Variants in CNTN6 observed in about 807,000 individuals in gnomAD.
CNTN6 encodes the protein contactin 6.
A neutral mutation model predicts 122.8 loss-of-function variants in CNTN6; 137 were observed. The ratio of observed to expected loss-of-function variants is 1.12; its 90% CI spans 0.97 to 1.29. CNTN6 has a LOEUF of 1.29. CNTN6 is among the 50% of genes most tolerant of loss of function. The pLI, the probability that CNTN6 is intolerant of heterozygous loss-of-function variation, is 0.00. For synonymous variants in CNTN6, 570 were observed against 426.0 expected, an observed-to-expected ratio of 1.34 and a Z score of -4.16; for missense variants, 1,634 against 1,223.4, an observed-to-expected ratio of 1.34 and a Z score of -5.01.
rs1693739289 is a variant in CNTN6 at position 1,389,380 on chromosome 3, C to A, written c.2704+3583C>A. On this transcript the variant is annotated intron_variant, in intron 20 of 22. Transcript: ENST00000446702. ...CAAATGCTGAGAGATTTTGTCACCA[C>A]CAGGCCTGCCCTAAAAGTGCTCCTG... Among the ~76,000 whole-genome samples, 4 of 152,092 alleles carry A rather than the reference C, an allele frequency of 2.6e-5. No individual in the cohort carries two copies. In the South Asian group the frequency reaches 8.3e-4, roughly 32 times the overall value.
chr3:1,329,817 A>T lies in CNTN6; in HGVS notation c.1246A>T (p.Lys416Ter). Residue 416 changes from lysine (K) to a stop codon, truncating the protein, a stop_gained, in exon 11 of 23, where the codon AAA (lysine) becomes TAA (stop). Coordinates refer to ENST00000446702, the MANE Select transcript of CNTN6 (RefSeq NM_001289080.2). LOFTEE classifies it high-confidence loss of function. The part of the protein sequence containing the change: ...SAPDFSKSPV[K>*]KKSFVQVGGD... ...TCCAGATTTCTCCAAAAGTCCAGTT[A>T]AAAAAAAGTCTTTTGTTCAAGTTGG... 6.2e-7 allele frequency: 1 copy of T among 1,600,408 alleles called. No homozygotes were observed. The highest frequency in any genetic ancestry group is 1.7e-5 in the Admixed American group (1 of 57,886).
rs374588686 is a variant in CNTN6 at position 1,295,656 on chromosome 3, T to G, written c.510T>G (p.Asn170Lys). The G allele has an allele frequency of 1.2e-6, 2 of 1,613,986 alleles. No homozygotes were observed. The highest frequency in any genetic ancestry group is 1.7e-6 in the Non-Finnish European group (2 of 1,179,926). ...ACCCCTTATACGTCCAAGAGGACAA[T>G]AGGCGATTTGTATCTCAAGAGACGG... ...NDNPLYVQED[N>K]RRFVSQETGN... Residue 170 changes from asparagine (N) to lysine (K), a missense_variant, in exon 6 of 23, where the codon AAT becomes AAG. Transcript: ENST00000446702.
intron 2 of CNTN6, among the ~76,000 whole-genome samples, chr3:1,163,635 C>A (rs1336725265): frequency 3.3e-5 from 5 of 152,148 alleles, no homozygotes; most frequent in Non-Finnish European, 7.3e-5. Context: ...CCAGGATGAT[C>A]TGGAACTACT....
intron 5 of CNTN6, among the ~76,000 whole-genome samples, chr3:1,292,841 TC>T (rs1222352100): frequency 6.6e-6 from 1 of 152,116 alleles, no homozygotes; most frequent in Non-Finnish European, 1.5e-5. Context: ...CTCCACTCAC[TC>T]TGAGAAAACC....
intron 3 of CNTN6, among the ~76,000 whole-genome samples, chr3:1,224,233 G>A (rs1055744840): frequency 3.3e-5 from 5 of 152,108 alleles, no homozygotes; most frequent in Non-Finnish European, 4.4e-5. Context: ...TAGAAGTAGA[G>A]TGTAGAATGG....
chr3:1,333,157 A>G (rs999250112), intron 11 of CNTN6, among the ~76,000 whole-genome samples: 1 of 152,070 alleles, frequency 6.6e-6, no homozygotes, highest in African/African-American at 2.4e-5. Context: ...AAAATTAAAT[A>G]TATTAGGAGC....
In CNTN6 at chr3:1,354,905, C is replaced by T. The variant is rs558042274; in HGVS notation, c.1492+2454C>T. Among the ~76,000 whole-genome samples, 41 of 151,572 alleles carry T rather than the reference C, an allele frequency of 2.7e-4. 1 individual carries two copies. In the East Asian group the frequency reaches 6.8e-3, roughly 25 times the overall value. ...TTTTATTTCTGACAGACATCGATCA[C>T]CTCACTCTCCTAAGGGGGTACAAGC... On this transcript the variant is annotated intron_variant, in intron 12 of 22. Transcript: ENST00000446702.
chr3:1,113,037 T>C (rs1326079507), intron 1 of CNTN6, among the ~76,000 whole-genome samples: 1 of 152,126 alleles, frequency 6.6e-6, no homozygotes, highest in Non-Finnish European at 1.5e-5. Context: ...AGGCAATGCA[T>C]TAGGCACTGG....
Position 1,396,795 on chromosome 3 carries a change from A to C in CNTN6, c.2705-4638A>C, listed in dbSNP as rs73097111. 3.7e-3 allele frequency among the ~76,000 whole-genome samples: 560 copies of C among 152,336 alleles called. 2 individuals carry two copies. Among genetic ancestry groups the C allele is most frequent in the African/African-American group, 0.013 (533 of 41,578 alleles). ...CAAAGCATGCATGAAAAACAGCTTT[A>C]CTGAAACATTGATGATAACCATGAT... On this transcript the variant is annotated intron_variant, in intron 20 of 22. Coordinates refer to ENST00000446702, the MANE Select transcript of CNTN6 (RefSeq NM_001289080.2).
At chr3:1,179,779 G>A (rs1351379823) in intron 2 of CNTN6, among the ~76,000 whole-genome samples, 1 of 152,068 alleles carries the variant, frequency 6.6e-6, no homozygotes, top group Non-Finnish European at 1.5e-5. Context: ...TGAGCTTCTG[G>A]TGGGGCCCAA....
At chr3:1,389,283 C>T (rs1693716936) in intron 20 of CNTN6, among the ~76,000 whole-genome samples, 1 of 152,074 alleles carries the variant, frequency 6.6e-6, no homozygotes. Context: ...AAAACAATTT[C>T]AACCCAGAAT....
intron 17 of CNTN6, among the ~76,000 whole-genome samples, chr3:1,378,835 C>T (rs155387): frequency 0.41 from 62,882 of 151,958 alleles, 14,728 homozygotes; most frequent in African/African-American, 0.65. Flanking sequence ...TCTTCATGCA[C>T]TGTGATGGCT....
At chr3:1,132,544 G>T (rs2092363751) in intron 1 of CNTN6, among the ~76,000 whole-genome samples, 1 of 151,838 alleles carries the variant, frequency 6.6e-6, no homozygotes, top group Admixed American at 6.6e-5. Context: ...GGGCAACATA[G>T]AAAGACCCTG....
chr3:1,164,524 A>G (rs923744901), intron 2 of CNTN6, among the ~76,000 whole-genome samples: 1 of 152,228 alleles, frequency 6.6e-6, no homozygotes, highest in Admixed American at 6.5e-5. Flanking sequence ...TTTGTCATAC[A>G]TGACAGGGGA....
intron 4 of CNTN6, among the ~76,000 whole-genome samples, chr3:1,251,052 C>T (rs910988297): frequency 6.6e-6 from 1 of 152,146 alleles, no homozygotes; most frequent in Non-Finnish European, 1.5e-5. Context: ...GAAGATTTTA[C>T]CTATTAGCTC....
chr3:1,260,458 A>G (rs1182683647), intron 4 of CNTN6, among the ~76,000 whole-genome samples: 1 of 152,140 alleles, frequency 6.6e-6, no homozygotes, highest in Non-Finnish European at 1.5e-5. Context: ...GCTGAGTACC[A>G]TAGCGAGTTT....
chr3:1,372,184 C>T (rs1384716037), intron 12 of CNTN6, 115 bp from the exon 13 acceptor site: 2 of 675,918 alleles, frequency 3.0e-6, no homozygotes, highest in Non-Finnish European at 4.6e-6. Flanking sequence ...CATTGTAGAA[C>T]TCCAGGTTGC....
At chr3:1,272,414 T>C (rs969155151) in intron 4 of CNTN6, among the ~76,000 whole-genome samples, 2 of 152,188 alleles carry the variant, frequency 1.3e-5, no homozygotes, top group African/African-American at 4.8e-5. Flanking sequence ...GAGGATTCAA[T>C]GAGTGTACTT....
intron 4 of CNTN6, among the ~76,000 whole-genome samples, chr3:1,236,680 A>G (rs2094426503): frequency 6.6e-6 from 1 of 152,020 alleles, no homozygotes; most frequent in Non-Finnish European, 1.5e-5. Flanking sequence ...AGGTTCTTCA[A>G]CTCCCCCAAA....
Sources: allele counts gnomAD v4.1 joint callset (sites outside exome capture counted in the v4.1 genomes callset), GRCh38; gene constraint gnomAD v4.1.1; transcripts MANE v1.5; gene names NCBI Gene and HGNC (gene_info 2026-07-23, HGNC 2026-07-21).